Variants in COL21A1 observed in about 807,000 individuals in gnomAD.
COL21A1 encodes collagen type XXI alpha 1 chain, also known as collagen alpha-1(XXI) chain.
In COL21A1, 149 loss-of-function variants were observed where a neutral mutation model predicts 137.9. That is an observed-to-expected ratio of 1.08 (90% CI 0.95 to 1.24). COL21A1 has a LOEUF of 1.24. Among genes scored for constraint, COL21A1 ranks in the 50% most tolerant of loss-of-function variants. The pLI is 0.00. For missense variants in COL21A1, 1,167 were observed against 1,158.4 expected (o/e 1.01, Z -0.11); for synonymous variants, 456 against 391.5 (o/e 1.16, Z -1.95).
rs527881714 is a variant in COL21A1, at chr6:56,309,892, A to G, written c.-39+84079T>C. Among the ~76,000 whole-genome samples, 14 of 152,340 alleles carry G rather than the reference A, an allele frequency of 9.2e-5. 1 individual carries two copies. The South Asian group carries it at 2.9e-3, about 32-fold the overall frequency. ...ACTTCTTCAATGAAAGGACAGATCG[A>G]TGCAGGGATGGATGGATGCACTGAT... On this transcript the variant is annotated intron_variant, in intron 1 of 28. Transcript: ENST00000370819.
intron 1 of COL21A1, among the ~76,000 whole-genome samples, chr6:56,383,712 A>G (rs1385261091): frequency 6.6e-6 from 1 of 152,194 alleles, no homozygotes; most frequent in Non-Finnish European, 1.5e-5. Flanking sequence ...GTCTGGTTCA[A>G]TGCATTAGGA....
At chr6:56,065,059 T>C (rs1766122990) in intron 23 of COL21A1, among the ~76,000 whole-genome samples, 2 of 150,736 alleles carry the variant, frequency 1.3e-5, no homozygotes, top group African/African-American at 4.9e-5. Context: ...TACTGTCACA[T>C]TTTAGTAAAA....
intron 10 of COL21A1, among the ~76,000 whole-genome samples, chr6:56,146,766 C>T (rs560568095): frequency 2.4e-4 from 37 of 152,092 alleles, no homozygotes; most frequent in Admixed American, 6.5e-4. Flanking sequence ...GAATGGTAGA[C>T]GAGGTTATCT....
chr6:56,137,340 C>T (rs937264811), intron 12 of COL21A1, among the ~76,000 whole-genome samples: 1 of 152,090 alleles, frequency 6.6e-6, no homozygotes, highest in Non-Finnish European at 1.5e-5. Context: ...ACCGTGAAAG[C>T]ACCCAATACA....
chr6:56,141,688 T>A, intron 12 of COL21A1, 97 bp downstream of exon 12: 1 of 1,309,922 alleles, frequency 7.6e-7, no homozygotes, highest in Non-Finnish European at 1.1e-6. Context: ...ATCTTAGAAT[T>A]CACCAAGACG....
chr6:56,388,853 C>G (rs1326309754), intron 1 of COL21A1, among the ~76,000 whole-genome samples: 1 of 152,170 alleles, frequency 6.6e-6, no homozygotes, highest in Admixed American at 6.5e-5. Flanking sequence ...GAATTCAAAA[C>G]AGTTGTCTTG....
chr6:56,088,542 C>T (rs906059815), intron 17 of COL21A1, among the ~76,000 whole-genome samples: 9 of 152,084 alleles, frequency 5.9e-5, no homozygotes, highest in Non-Finnish European at 1.2e-4. Context: ...TCACAAATTT[C>T]CTTTTCTTTT....
At chr6:56,259,707 T>C (rs1763207259) in intron 1 of COL21A1, among the ~76,000 whole-genome samples, 1 of 152,262 alleles carries the variant, frequency 6.6e-6, no homozygotes, top group African/African-American at 2.4e-5. Flanking sequence ...GGGAGAGTTA[T>C]GCATTATACT....
chr6:56,215,846 C>T (rs1243613542), intron 1 of COL21A1, among the ~76,000 whole-genome samples: 1 of 152,044 alleles, frequency 6.6e-6, no homozygotes, highest in Non-Finnish European at 1.5e-5. Flanking sequence ...TTCCTGAATA[C>T]TTATAATGCA....
At chr6:56,337,584 T>TGA (rs1765359555) in intron 1 of COL21A1, among the ~76,000 whole-genome samples, 1 of 152,246 alleles carries the variant, frequency 6.6e-6, no homozygotes, top group Non-Finnish European at 1.5e-5. Context: ...GAGGCCCATC[T>TGA]TGGGCCTCCC....
chr6:56,256,840 A>G (rs1430346045), intron 1 of COL21A1, among the ~76,000 whole-genome samples: 3 of 152,142 alleles, frequency 2.0e-5, no homozygotes, highest in African/African-American at 7.2e-5. Context: ...CAAGAGGCCA[A>G]TAAATTTATC....
At chr6:56,293,028 G>T (rs1020569204) in intron 1 of COL21A1, among the ~76,000 whole-genome samples, 3 of 152,072 alleles carry the variant, frequency 2.0e-5, no homozygotes, top group African/African-American at 7.2e-5. Context: ...TCATATCAAA[G>T]TGCAAATAAA....
At chr6:56,362,618 G>A (rs1766000234) in intron 1 of COL21A1, among the ~76,000 whole-genome samples, 1 of 151,986 alleles carries the variant, frequency 6.6e-6, no homozygotes, top group Admixed American at 6.6e-5. Context: ...TCAAAGATAT[G>A]CTCCTCCCCC....
At chr6:56,307,809 G>A (rs111247330) in intron 1 of COL21A1, among the ~76,000 whole-genome samples, 12,260 of 152,098 alleles carry the variant, frequency 0.081, 549 homozygotes, top group Middle Eastern at 0.14. Context: ...CGTCTTCTGC[G>A]TCGCTCACCC....
chr6:56,106,135 T>C (rs1435109662), intron 16 of COL21A1, among the ~76,000 whole-genome samples: 2 of 152,226 alleles, frequency 1.3e-5, no homozygotes, highest in Non-Finnish European at 2.9e-5. Flanking sequence ...TTTTCATGTA[T>C]ATAGAAAGTT....
upstream of COL21A1, among the ~76,000 whole-genome samples, chr6:56,249,933 A>G (rs1032053670): frequency 6.6e-6 from 1 of 152,246 alleles, no homozygotes; most frequent in African/African-American, 2.4e-5. Flanking sequence ...TTTATGATGC[A>G]TGAATTGTAG....
chr6:56,098,708 A>AAT (rs1377462238), intron 17 of COL21A1, among the ~76,000 whole-genome samples: 5 of 80,660 alleles, frequency 6.2e-5, no homozygotes, highest in African/African-American at 9.8e-5. Context: ...TATATATATA[A>AAT]ATATATATAA....
chr6:56,251,844 T>A (rs1442890533), upstream of COL21A1, among the ~76,000 whole-genome samples: 1 of 152,222 alleles, frequency 6.6e-6, no homozygotes, highest in African/African-American at 2.4e-5. Context: ...CTAGCAGTCC[T>A]ATGTAAATGC....
chr6:56,085,967 T>C (rs946445821), intron 17 of COL21A1, among the ~76,000 whole-genome samples: 1 of 148,372 alleles, frequency 6.7e-6, no homozygotes, highest in Non-Finnish European at 1.5e-5. Context: ...TATAGTCTCA[T>C]ATATTTTATA....
Sources: allele counts gnomAD v4.1 joint callset (sites outside exome capture counted in the v4.1 genomes callset), GRCh38; gene constraint gnomAD v4.1.1; transcripts MANE v1.5; gene names NCBI Gene and HGNC (gene_info 2026-07-23, HGNC 2026-07-21).